The following KDM4C variants were observed in gnomAD, a reference collection of about 807,000 sequenced individuals.
KDM4C encodes lysine-specific demethylase 4C.
Under a neutral mutation model 129.3 loss-of-function variants are expected in KDM4C, and 81 were observed. The observed-to-expected ratio is 0.63, with a 90% confidence interval of 0.52 to 0.75. The LOEUF (loss-of-function observed/expected upper bound fraction) is 0.75, where lower values mean the gene tolerates loss of function less well. KDM4C is among the 30% of genes least tolerant of loss of function. The probability of loss-of-function intolerance (pLI) is 0.00; values close to 1 mark genes in which losing one functional copy is unlikely to be tolerated. For missense variants in KDM4C, 1,457 were observed against 1,304.0 expected, an observed-to-expected ratio of 1.12 and a Z score of -1.81; for synonymous variants, 573 against 456.1, an observed-to-expected ratio of 1.26 and a Z score of -3.26.
At chr9:6,747,026 A>G (rs1289310725) in intron 1 of KDM4C, among the ~76,000 whole-genome samples, 3 of 147,050 alleles carry the variant, frequency 2.0e-5, no homozygotes, top group East Asian at 2.0e-4. Context: ...AAAAAAAAAA[A>G]AAAGAAAAAG....
chr9:7,169,853 T>C lies in KDM4C; in HGVS notation c.2957T>C (p.Leu986Ser), dbSNP rs1214656637. Residue 986 changes from leucine to serine, a missense_variant, in exon 21 of 22, where the codon TTA becomes TCA. By Grantham distance (145) the Leu-to-Ser change is moderately radical. Coordinates refer to ENST00000381309, the MANE Select transcript of KDM4C (RefSeq NM_015061.6). ...ATGAAGAGAGAGGACATCTACACTT[T>C]AGATGAAGAGTTACCCAAGAGAGTG... ...IAMKREDIYT[L>S]DEELPKRVKA... The C allele has an allele frequency of 5.0e-6, 8 of 1,613,878 alleles. No homozygotes were observed. The highest frequency in any genetic ancestry group is 3.3e-5 in the South Asian group (3 of 91,074).
At chr9:7,082,310 C>G (rs1834618807) in intron 17 of KDM4C, among the ~76,000 whole-genome samples, 1 of 152,176 alleles carries the variant, frequency 6.6e-6, no homozygotes, top group Admixed American at 6.5e-5. Context: ...TGTGTTCCAC[C>G]TGAGTTTCGT....
intron 21 of KDM4C, among the ~76,000 whole-genome samples, chr9:7,171,768 T>G (rs1844983668): frequency 6.6e-6 from 1 of 152,164 alleles, no homozygotes; most frequent in Non-Finnish European, 1.5e-5. Flanking sequence ...GGTCCTGGAT[T>G]TTCTAAGGTC....
intron 1 of KDM4C, among the ~76,000 whole-genome samples, chr9:6,769,203 G>A (rs1289917598): frequency 6.6e-6 from 1 of 151,632 alleles, no homozygotes; most frequent in Admixed American, 6.6e-5. Context: ...TTCTAAGCTT[G>A]CTGTTTTTTT....
intron 8 of KDM4C, among the ~76,000 whole-genome samples, chr9:6,959,860 C>G (rs187397373): frequency 6.6e-6 from 1 of 152,112 alleles, no homozygotes; most frequent in Non-Finnish European, 1.5e-5. Flanking sequence ...TTATTTAAAG[C>G]CTCTTAAAAT....
intron 8 of KDM4C, among the ~76,000 whole-genome samples, chr9:6,947,592 G>T (rs1589253400): frequency 6.6e-6 from 1 of 151,932 alleles, no homozygotes; most frequent in Non-Finnish European, 1.5e-5. Context: ...AACCCATCTA[G>T]TATTGTTTTC....
chr9:6,734,887 C>T (rs1354861024), intron 1 of KDM4C: 3 of 559,138 alleles, frequency 5.4e-6, no homozygotes, highest in South Asian at 1.4e-5. Context: ...AGAGACTTCA[C>T]AATGGAAGGT....
chr9:7,052,899 G>GAGAC (rs1564049753), intron 17 of KDM4C, among the ~76,000 whole-genome samples: 4 of 9,976 alleles, frequency 4.0e-4, no homozygotes, highest in African/African-American at 1.9e-3. Flanking sequence ...GAGAGAGAGA[G>GAGAC]AGCGAGCGAG....
In KDM4C at chr9:6,995,734, C is replaced by G. The variant is rs1238444262; in HGVS notation, c.1786+5210C>G. Among the ~76,000 whole-genome samples the G allele has an allele frequency of 6.6e-5, 10 of 152,098 alleles. No individual in the cohort carries two copies. The East Asian group carries it at 1.9e-3, about 29-fold the overall frequency. ...TCGCCCAGGCTGGAGTGCAGTGGCG[C>G]AGTCTCAGCTCACTGCAAGCTCTGC... On this transcript the variant is annotated intron_variant, in intron 12 of 21. Transcript: ENST00000381309.
rs563648997 is a variant in KDM4C, at chr9:6,981,274, T to C, written c.1115+156T>C. ...AGACATTATTTTTAATTCTTAGGTG[T>C]GTAATAAATACAATATAGGAAGAGA... On this transcript the variant is annotated intron_variant, in intron 9 of 21. Transcript: ENST00000381309. Among the ~76,000 whole-genome samples the C allele has an allele frequency of 3.9e-5, 6 of 152,342 alleles. No homozygotes were observed. In the South Asian group the frequency reaches 1.2e-3, roughly 32 times the overall value.
At chr9:6,890,461 T>C (rs1209451513) in intron 7 of KDM4C, among the ~76,000 whole-genome samples, 1 of 152,240 alleles carries the variant, frequency 6.6e-6, no homozygotes. Context: ...ATTTGCCATA[T>C]TCATACATAT....
intron 1 of KDM4C, among the ~76,000 whole-genome samples, chr9:6,759,914 G>A (rs1450819352): frequency 9.4e-5 from 14 of 149,450 alleles, no homozygotes; most frequent in Non-Finnish European, 1.5e-4. Context: ...GCACTCCAGC[G>A]TGGGTGACAG....
At chr9:7,011,647 T>G in intron 12 of KDM4C, 51 bp from the exon 13 acceptor site, 2 of 1,514,296 alleles carry the variant, frequency 1.3e-6, no homozygotes, top group Non-Finnish European at 1.8e-6. Flanking sequence ...TCAGGGTGAT[T>G]GTTTTCCCTG....
chr9:6,743,048 G>T (rs1365239817), intron 1 of KDM4C, among the ~76,000 whole-genome samples: 2 of 152,008 alleles, frequency 1.3e-5, no homozygotes, highest in Non-Finnish European at 2.9e-5. Flanking sequence ...GGTCTAAAAA[G>T]GAAAAAATCA....
chr9:7,103,281 C>G (rs1278952568), intron 17 of KDM4C, among the ~76,000 whole-genome samples: 2 of 152,170 alleles, frequency 1.3e-5, no homozygotes, highest in Non-Finnish European at 2.9e-5. Context: ...TCCTCCAAAC[C>G]CATATTCTAC....
chr9:6,772,947 C>T (rs940332416), intron 1 of KDM4C, among the ~76,000 whole-genome samples: 10 of 151,948 alleles, frequency 6.6e-5, no homozygotes, highest in Non-Finnish European at 1.0e-4. Flanking sequence ...CCACCCACCT[C>T]GGCCTCCCCA....
In KDM4C at chr9:6,832,162, C is replaced by T. The variant is rs534899381; in HGVS notation, c.436-17345C>T. On this transcript the variant is annotated intron_variant, in intron 4 of 21. Transcript: ENST00000381309. ...GAGCATCCTGGCTAACACGGTGAAA[C>T]CCCGTCTCTCCTAAAAAAATACAAA... is the stretch of plus-strand genomic sequence containing the variant. Among the ~76,000 whole-genome samples, 6 of 151,784 alleles carry T rather than the reference C, an allele frequency of 4.0e-5. No individual in the cohort carries two copies. The South Asian group carries it at 1.2e-3, about 32-fold the overall frequency.
At chr9:6,798,226 T>G (rs1828115530) in intron 2 of KDM4C, among the ~76,000 whole-genome samples, 1 of 150,918 alleles carries the variant, frequency 6.6e-6, no homozygotes, top group South Asian at 2.1e-4. Context: ...AAATATTTTA[T>G]AGGCAAGCAA....
chr9:7,154,970 T>A (rs1285091812), intron 19 of KDM4C, among the ~76,000 whole-genome samples: 1 of 152,216 alleles, frequency 6.6e-6, no homozygotes, highest in East Asian at 1.9e-4. Flanking sequence ...TGTCAAGGTT[T>A]TAATGCATAT....
Sources: gnomAD v4.1 joint callset for allele counts (sites outside exome capture counted in the v4.1 genomes callset) on GRCh38, gnomAD v4.1.1 for gene constraint, MANE v1.5 for transcripts, NCBI Gene and HGNC (gene_info 2026-07-23, HGNC 2026-07-21) for gene names.